The following TTC28 variants were observed in gnomAD, a reference collection of about 807,000 sequenced individuals.
TTC28 encodes tetratricopeptide repeat domain 28, also known as tetratricopeptide repeat protein 28.
In TTC28, 61 loss-of-function variants were observed where a neutral mutation model predicts 198.0. The ratio of observed to expected loss-of-function variants is 0.31; its 90% CI spans 0.25 to 0.38. TTC28 has a LOEUF of 0.38. Ranked by LOEUF, TTC28 falls within the 10% of genes least tolerant of loss-of-function variation. The pLI is 1.00. For missense variants in TTC28, 2,678 were observed against 3,164.0 expected, an observed-to-expected ratio of 0.85 and a Z score of 3.69; for synonymous variants, 1,171 against 1,297.8, an observed-to-expected ratio of 0.90 and a Z score of 2.10.
At chr22:28,375,637 A>C (rs541128607) in intron 2 of TTC28, among the ~76,000 whole-genome samples, 1 of 152,326 alleles carries the variant, frequency 6.6e-6, no homozygotes, top group South Asian at 2.1e-4. Flanking sequence ...TTTAGGTGTC[A>C]ATTTGACAAG....
intron 2 of TTC28, among the ~76,000 whole-genome samples, chr22:28,598,947 G>C (rs1295976922): frequency 6.6e-6 from 1 of 152,188 alleles, no homozygotes; most frequent in African/African-American, 2.4e-5. Flanking sequence ...AAAACTGTGA[G>C]TGAAATGCTT....
At chr22:28,549,487 A>G (rs2049616129) in intron 2 of TTC28, among the ~76,000 whole-genome samples, 1 of 152,172 alleles carries the variant, frequency 6.6e-6, no homozygotes, top group African/African-American at 2.4e-5. Context: ...GTAAATGTCT[A>G]CTGCTGCCAG....
intron 2 of TTC28, among the ~76,000 whole-genome samples, chr22:28,392,859 G>T (rs979011348): frequency 7.2e-6 from 1 of 139,070 alleles, no homozygotes; most frequent in African/African-American, 2.7e-5. Context: ...GGCCATCTTG[G>T]TTCCTCCCTC....
At position 28,279,528 on chromosome 22, in the gene TTC28, G is replaced by A. The variant is rs543568198; in HGVS notation, c.933+16670C>T. On this transcript the variant is annotated intron_variant, in intron 5 of 22. Coordinates refer to ENST00000397906, the MANE Select transcript of TTC28 (RefSeq NM_001145418.2). ...TGGGATTACAGGCATGTGCCACCACGCCTGGCTAAGTTTTTGTATTTTTAG... is the reference window on the plus strand; with the variant it reads ...TGGGATTACAGGCATGTGCCACCACACCTGGCTAAGTTTTTGTATTTTTAG... Among the ~76,000 whole-genome samples, 13 of 152,108 alleles carry A rather than the reference G, an allele frequency of 8.5e-5. No homozygotes were observed. In the South Asian group the frequency reaches 1.5e-3, roughly 17 times the overall value.
At chr22:28,010,691 GCAGAGGCAGGGGGCT>G (rs1299015286) in intron 14 of TTC28, among the ~76,000 whole-genome samples, 2 of 152,170 alleles carry the variant, frequency 1.3e-5, no homozygotes, top group African/African-American at 4.8e-5. Context: ...GTGCTGGCTG[GCAGAGGCAGGGGGCT>G]CACTAGATTC....
chr22:28,565,406 C>T (rs1306613346), intron 2 of TTC28, among the ~76,000 whole-genome samples: 3 of 152,090 alleles, frequency 2.0e-5, no homozygotes, highest in Admixed American at 2.0e-4. Context: ...AAAGGGATTC[C>T]TTGATTACAC....
chr22:28,379,555 T>A (rs999560694), intron 2 of TTC28, among the ~76,000 whole-genome samples: 1 of 152,190 alleles, frequency 6.6e-6, no homozygotes, highest in Admixed American at 6.5e-5. Flanking sequence ...ATTCCACTTA[T>A]ATGAGGTAGC....
At chr22:28,004,394 G>A (rs1937848715) in intron 14 of TTC28, among the ~76,000 whole-genome samples, 1 of 152,214 alleles carries the variant, frequency 6.6e-6, no homozygotes, top group African/African-American at 2.4e-5. Flanking sequence ...ACCAAGAGAA[G>A]AGACAAGGAG....
intron 2 of TTC28, among the ~76,000 whole-genome samples, chr22:28,330,780 A>G (rs542105524): frequency 6.6e-6 from 1 of 152,330 alleles, no homozygotes. Flanking sequence ...GTCAAAAAGC[A>G]TATAATCAAC....
chr22:28,162,218 T>A (rs1047476107), intron 6 of TTC28, among the ~76,000 whole-genome samples: 8 of 152,228 alleles, frequency 5.3e-5, no homozygotes, highest in Non-Finnish European at 7.3e-5. Flanking sequence ...ATTATGAATG[T>A]TTTAATTGTA....
chr22:28,087,454 T>C (rs1038020653), intron 12 of TTC28, among the ~76,000 whole-genome samples: 2 of 152,106 alleles, frequency 1.3e-5, no homozygotes, highest in Admixed American at 6.6e-5. Context: ...TTTGACAAAA[T>C]TCAACAACCC....
At position 28,578,801 on chromosome 22, in the gene TTC28, T is replaced by C. The variant is rs186623960; in HGVS notation, c.381+50751A>G. ...TGAAACTCAGTGCTACCCTGTTACA[T>C]TGGAAAGCAACACGGGGCAGAACTC... On this transcript the variant is annotated intron_variant, in intron 2 of 22. Coordinates refer to ENST00000397906, the MANE Select transcript of TTC28 (RefSeq NM_001145418.2). 6.6e-5 allele frequency among the ~76,000 whole-genome samples: 10 copies of C among 152,122 alleles called. No individual in the cohort carries two copies. In the East Asian group the frequency reaches 9.7e-4, roughly 15 times the overall value.
Position 28,108,189 on chromosome 22 carries a change from T to C in TTC28, c.1656A>G (p.Ser552=). 6 of 1,551,678 alleles carry C rather than the reference T, an allele frequency of 3.9e-6. No individual in the cohort carries two copies. Among genetic ancestry groups the C allele is most frequent in the Non-Finnish European group, 5.2e-6 (6 of 1,146,952 alleles). The change falls in exon 7 of 23, where the codon TCA becomes TCG. Residue 552 remains serine (S), a synonymous_variant. Coordinates refer to ENST00000397906, the MANE Select transcript of TTC28 (RefSeq NM_001145418.2). ...QISMEVNDRA[S]QASTHGNLAV... is the part of the protein sequence containing the mutation. ...CAAGGTTCCCATGTGTGGAGGCCTGTGAGGCGCGGTCATTCACTTCCATGG... is the reference window on the plus strand; with the variant it reads ...CAAGGTTCCCATGTGTGGAGGCCTGCGAGGCGCGGTCATTCACTTCCATGG...
intron 5 of TTC28, among the ~76,000 whole-genome samples, chr22:28,222,517 C>T (rs1927966023): frequency 6.6e-6 from 1 of 152,212 alleles, no homozygotes; most frequent in Non-Finnish European, 1.5e-5. Flanking sequence ...CTTCCTTCTG[C>T]CCTTGCATGT....
chr22:28,228,696 T>C (rs1311077262), intron 5 of TTC28, among the ~76,000 whole-genome samples: 10 of 151,462 alleles, frequency 6.6e-5, no homozygotes, highest in African/African-American at 2.4e-4. Context: ...CAGGACTCCA[T>C]CAAAAACAAA....
At chr22:28,261,636 C>T (rs1931328281) in intron 5 of TTC28, among the ~76,000 whole-genome samples, 1 of 152,128 alleles carries the variant, frequency 6.6e-6, no homozygotes, top group East Asian at 1.9e-4. Flanking sequence ...TTGAATAACC[C>T]TCTCTACCGA....
intron 2 of TTC28, among the ~76,000 whole-genome samples, chr22:28,344,043 A>G (rs2045872004): frequency 6.6e-6 from 1 of 152,054 alleles, no homozygotes; most frequent in Non-Finnish European, 1.5e-5. Context: ...ATTTCTAAAA[A>G]GTCTCATTCT....
At chr22:28,586,541 CAG>C (rs1036720613) in intron 2 of TTC28, among the ~76,000 whole-genome samples, 4 of 151,934 alleles carry the variant, frequency 2.6e-5, no homozygotes, top group African/African-American at 9.7e-5. Context: ...TGACAGGAAA[CAG>C]ATGAAATTAA....
intron 2 of TTC28, among the ~76,000 whole-genome samples, chr22:28,340,992 T>C (rs531570447): frequency 1.3e-5 from 2 of 152,274 alleles, no homozygotes; most frequent in East Asian, 3.9e-4. Context: ...ACTAGATGAC[T>C]AGGAAGAAAA....
Sources: gnomAD v4.1 joint callset for allele counts (sites outside exome capture counted in the v4.1 genomes callset) on GRCh38, gnomAD v4.1.1 for gene constraint, MANE v1.5 for transcripts, NCBI Gene and HGNC (gene_info 2026-07-23, HGNC 2026-07-21) for gene names.